Variants in RBFOX1 observed in about 807,000 individuals in gnomAD.
RBFOX1 encodes the protein RNA binding fox-1 homolog 1, also known as RNA binding protein fox-1 homolog 1.
RBFOX1 carries 8 observed loss-of-function variants against 57.7 expected under a neutral mutation model. The ratio of observed to expected loss-of-function variants is 0.14; its 90% CI spans 0.08 to 0.25. The LOEUF is 0.25. Ranked by LOEUF, RBFOX1 falls within the 10% of genes least tolerant of loss-of-function variation. RBFOX1 has a pLI of 1.00. For synonymous variants in RBFOX1, 326 were observed against 222.4 expected, an observed-to-expected ratio of 1.47 and a Z score of -4.15; for missense variants, 611 against 548.5, an observed-to-expected ratio of 1.11 and a Z score of -1.14.
At chr16:6,368,802 A>G (rs918780100) in intron 2 of RBFOX1, among the ~76,000 whole-genome samples, 19 of 152,206 alleles carry the variant, frequency 1.2e-4, no homozygotes, top group African/African-American at 4.6e-4. Context: ...CAATGTTGGT[A>G]GTAACATGGC....
At chr16:7,431,737 AG>A (rs2098682478) in intron 4 of RBFOX1, among the ~76,000 whole-genome samples, 1 of 152,190 alleles carries the variant, frequency 6.6e-6, no homozygotes, top group Admixed American at 6.5e-5. Flanking sequence ...CAATTGCTAC[AG>A]AACAAAGACA....
intron 1 of RBFOX1, among the ~76,000 whole-genome samples, chr16:5,420,891 C>T (rs1403532175): frequency 7.6e-6 from 1 of 130,748 alleles, no homozygotes; most frequent in Non-Finnish European, 1.6e-5. Flanking sequence ...CCCCCTCCTC[C>T]TCTCCCTCCT....
intron 2 of RBFOX1, among the ~76,000 whole-genome samples, chr16:6,493,509 G>A: frequency 6.6e-6 from 1 of 152,052 alleles, no homozygotes; most frequent in East Asian, 1.9e-4. Flanking sequence ...TTATTCATCT[G>A]TGGGTCATTT....
intron 3 of RBFOX1, among the ~76,000 whole-genome samples, chr16:5,793,536 G>A (rs529467158): frequency 6.6e-6 from 1 of 152,218 alleles, no homozygotes; most frequent in Non-Finnish European, 1.5e-5. Context: ...AAGCCATGTT[G>A]CCTTCCTGAG....
intron 4 of RBFOX1, among the ~76,000 whole-genome samples, chr16:7,316,859 C>T (rs2142991356): frequency 1.3e-5 from 2 of 151,452 alleles, no homozygotes; most frequent in South Asian, 2.1e-4. Flanking sequence ...GACCAGGGAG[C>T]CAGTGAGAGA....
intron 4 of RBFOX1, among the ~76,000 whole-genome samples, chr16:7,129,392 G>A (rs1210526688): frequency 6.6e-6 from 1 of 152,066 alleles, no homozygotes; most frequent in African/African-American, 2.4e-5. Context: ...AGTGGCATAG[G>A]AACAGTAGCT....
intron 4 of RBFOX1, among the ~76,000 whole-genome samples, chr16:7,330,139 A>G (rs912258491): frequency 1.3e-5 from 2 of 152,102 alleles, no homozygotes. Flanking sequence ...ATCCCTCAAT[A>G]TGGTGGGAGA....
chr16:5,658,191 C>G (rs1438082693), intron 3 of RBFOX1, among the ~76,000 whole-genome samples: 1 of 152,104 alleles, frequency 6.6e-6, no homozygotes, highest in Non-Finnish European at 1.5e-5. Flanking sequence ...GGCTCGCAGA[C>G]CTGGGCATGA....
At chr16:6,643,428 T>A (rs1485386882) in intron 2 of RBFOX1, among the ~76,000 whole-genome samples, 1 of 152,096 alleles carries the variant, frequency 6.6e-6, no homozygotes, top group East Asian at 1.9e-4. Context: ...GTTAGTTTTG[T>A]TTTGTTTTGT....
At chr16:6,484,046 G>A (rs2095421517) in intron 2 of RBFOX1, 3 of 576,562 alleles carry the variant, frequency 5.2e-6, no homozygotes, top group South Asian at 7.5e-5. Flanking sequence ...GGGGAGCCCG[G>A]AGATGCATCG....
chr16:6,235,457 G>A (rs1413093758), intron 1 of RBFOX1, among the ~76,000 whole-genome samples: 1 of 152,036 alleles, frequency 6.6e-6, no homozygotes, highest in African/African-American at 2.4e-5. Flanking sequence ...GCACATGCCT[G>A]TCTATAGCAG....
At chr16:7,662,189 G>T (rs1005979410) in intron 12 of RBFOX1, among the ~76,000 whole-genome samples, 2 of 152,156 alleles carry the variant, frequency 1.3e-5, no homozygotes, top group African/African-American at 2.4e-5. Context: ...GACAGATGAG[G>T]TTCCACCATT....
intron 1 of RBFOX1, among the ~76,000 whole-genome samples, chr16:5,428,708 G>A (rs988772570): frequency 1.3e-5 from 2 of 152,160 alleles, no homozygotes; most frequent in East Asian, 3.8e-4. Context: ...GGAAAGTGTA[G>A]ACAGATGGTA....
chr16:5,693,158 C>T (rs557433359), intron 3 of RBFOX1, among the ~76,000 whole-genome samples: 1 of 152,226 alleles, frequency 6.6e-6, no homozygotes, highest in Non-Finnish European at 1.5e-5. Context: ...CACAATCCTT[C>T]TGTTGCTTTC....
At chr16:5,898,002 C>T (rs1338701400) in intron 4 of RBFOX1, among the ~76,000 whole-genome samples, 1 of 152,070 alleles carries the variant, frequency 6.6e-6, no homozygotes, top group Non-Finnish European at 1.5e-5. Flanking sequence ...ATACCTGAAA[C>T]TGGGTAATTT....
intron 1 of RBFOX1, among the ~76,000 whole-genome samples, chr16:6,133,716 C>T (rs145003887): frequency 1.0e-3 from 159 of 152,272 alleles, no homozygotes; most frequent in African/African-American, 3.5e-3. Context: ...ACCTTGCTCA[C>T]ACCTGGTAGT....
chr16:7,176,591 A>G (rs1279947489), intron 4 of RBFOX1, among the ~76,000 whole-genome samples: 1 of 152,208 alleles, frequency 6.6e-6, no homozygotes, highest in Non-Finnish European at 1.5e-5. Context: ...TGTTTGTGCT[A>G]CAACGACACA....
intron 4 of RBFOX1, among the ~76,000 whole-genome samples, chr16:7,094,601 C>G (rs1044695508): frequency 1.3e-5 from 2 of 149,380 alleles, no homozygotes; most frequent in African/African-American, 4.9e-5. Flanking sequence ...GTTCCCTTGA[C>G]TTGGGGACTC....
chr16:7,128,396 T>G (rs2069189292), intron 4 of RBFOX1, among the ~76,000 whole-genome samples: 1 of 152,180 alleles, frequency 6.6e-6, no homozygotes, highest in South Asian at 2.1e-4. Flanking sequence ...GCCTAGTGGC[T>G]TGAAAGAGTG....
Sources: gnomAD v4.1 joint callset for allele counts (sites outside exome capture counted in the v4.1 genomes callset) on GRCh38, gnomAD v4.1.1 for gene constraint, MANE v1.5 for transcripts, NCBI Gene and HGNC (gene_info 2026-07-23, HGNC 2026-07-21) for gene names.